The following XYLT1 variants were observed in gnomAD, a reference collection of about 807,000 sequenced individuals.
XYLT1 encodes xylosyltransferase 1, also known as beta-D-xylosyltransferase 1.
In XYLT1, 36 loss-of-function variants were observed where a neutral mutation model predicts 91.3. The observed-to-expected ratio is 0.39, with a 90% CI of 0.30 to 0.52. The LOEUF (loss-of-function observed/expected upper bound fraction) is 0.52, where lower values mean the gene tolerates loss of function less well. Ranked by LOEUF, XYLT1 falls within the 20% of genes least tolerant of loss-of-function variation. The pLI is 0.68. For synonymous variants in XYLT1, 588 were observed against 532.0 expected, an observed-to-expected ratio of 1.11 and a Z score of -1.45; for missense variants, 1,242 against 1,284.5, an observed-to-expected ratio of 0.97 and a Z score of 0.51.
intron 2 of XYLT1, among the ~76,000 whole-genome samples, chr16:17,285,395 CTCTCAGGGGA>C (rs1213507675): frequency 6.6e-6 from 1 of 152,206 alleles, no homozygotes; most frequent in Non-Finnish European, 1.5e-5. Context: ...TCTCGATCTG[CTCTCAGGGGA>C]TCTCCAGCAT....
At chr16:17,292,774 A>T (rs2034250611) in intron 2 of XYLT1, among the ~76,000 whole-genome samples, 1 of 152,224 alleles carries the variant, frequency 6.6e-6, no homozygotes, top group Admixed American at 6.5e-5. Context: ...ATGGTCTTTC[A>T]GAAACACTTT....
At chr16:17,358,183 G>C (rs1384083375) in intron 1 of XYLT1, 133 bp from the exon 2 acceptor site, 3 of 879,036 alleles carry the variant, frequency 3.4e-6, no homozygotes, top group Non-Finnish European at 1.7e-6. Flanking sequence ...AGGCTGGAGA[G>C]CAGTGGCATG....
chr16:17,224,221 C>T (rs2033023219), intron 3 of XYLT1, among the ~76,000 whole-genome samples: 1 of 152,212 alleles, frequency 6.6e-6, no homozygotes, highest in Non-Finnish European at 1.5e-5. Flanking sequence ...CACATTCTAT[C>T]AGCGACAAGA....
intron 1 of XYLT1, among the ~76,000 whole-genome samples, chr16:17,374,184 G>A (rs1481183464): frequency 6.6e-6 from 1 of 152,208 alleles, no homozygotes; most frequent in African/African-American, 2.4e-5. Flanking sequence ...TCTGTGGTGG[G>A]AAGGCACTCA....
chr16:17,284,268 ATTAC>A (rs1429447412), intron 2 of XYLT1, among the ~76,000 whole-genome samples: 3 of 152,150 alleles, frequency 2.0e-5, no homozygotes, highest in African/African-American at 7.2e-5. Flanking sequence ...TTTTTTTATT[ATTAC>A]TTCTATTTCT....
At chr16:17,336,027 T>C (rs1468534714) in intron 2 of XYLT1, among the ~76,000 whole-genome samples, 3 of 152,168 alleles carry the variant, frequency 2.0e-5, no homozygotes, top group Admixed American at 6.5e-5. Flanking sequence ...GACCTACGCT[T>C]TGCCTGGCTG....
At chr16:17,256,824 G>A (rs1003184407) in intron 3 of XYLT1, among the ~76,000 whole-genome samples, 21 of 152,182 alleles carry the variant, frequency 1.4e-4, no homozygotes, top group African/African-American at 4.8e-4. Flanking sequence ...CATGGCTCCC[G>A]GATGCACCGA....
intron 3 of XYLT1, among the ~76,000 whole-genome samples, chr16:17,241,170 G>C (rs944913379): frequency 3.3e-5 from 5 of 152,242 alleles, no homozygotes; most frequent in African/African-American, 1.2e-4. Flanking sequence ...AGCCACTGGG[G>C]TCCTCCCCAT....
rs915215793 is a variant in XYLT1 at position 17,107,547 on chromosome 16, T to C, written c.*1148A>G. 2 of 152,646 alleles carry C rather than the reference T, an allele frequency of 1.3e-5. No homozygotes were observed. Among genetic ancestry groups the C allele is most frequent in the Non-Finnish European group, 2.9e-5 (2 of 68,032 alleles). The allele number at this position is 152,646 out of a possible 1,614,324, so 9.5% of individuals were successfully genotyped here. On this transcript the variant is annotated 3_prime_UTR_variant, in exon 12 of 12. Coordinates refer to ENST00000261381, the MANE Select transcript of XYLT1 (RefSeq NM_022166.4). ...GAGCCTGTGGCCGAAGGGCATGAAA[T>C]TAAAAACCAAATCTGAAATGCTATT...
At chr16:17,226,261 A>C (rs1255340672) in intron 3 of XYLT1, among the ~76,000 whole-genome samples, 1 of 152,232 alleles carries the variant, frequency 6.6e-6, no homozygotes, top group African/African-American at 2.4e-5. Flanking sequence ...GAAACCAATG[A>C]AACACCAGCA....
chr16:17,137,931 AG>A (rs2030805929), intron 8 of XYLT1, among the ~76,000 whole-genome samples: 3 of 152,212 alleles, frequency 2.0e-5, no homozygotes, highest in Admixed American at 1.3e-4. Context: ...CAATGGCAAG[AG>A]TTCTGAGGTT....
chr16:17,238,551 C>A (rs574797455), intron 3 of XYLT1, among the ~76,000 whole-genome samples: 9 of 152,182 alleles, frequency 5.9e-5, no homozygotes, highest in Non-Finnish European at 1.3e-4. Context: ...GGACCCAGGA[C>A]CCCTGTCTTA....
chr16:17,121,686 T>C (rs8045593), intron 10 of XYLT1, among the ~76,000 whole-genome samples: 99,828 of 151,894 alleles, frequency 0.66, 33,587 homozygotes, highest in Non-Finnish European at 0.72. Flanking sequence ...CACCCATCAC[T>C]TGAACAGTAT....
At chr16:17,290,264 C>G (rs1259093797) in intron 2 of XYLT1, among the ~76,000 whole-genome samples, 1 of 152,250 alleles carries the variant, frequency 6.6e-6, no homozygotes, top group East Asian at 1.9e-4. Flanking sequence ...TAATTTTTAA[C>G]AACTTTCTAA....
chr16:17,277,111 A>G (rs902723945), intron 2 of XYLT1, among the ~76,000 whole-genome samples: 2 of 152,202 alleles, frequency 1.3e-5, no homozygotes, highest in Non-Finnish European at 2.9e-5. Flanking sequence ...TTATATTTTA[A>G]TAGCATGAGA....
intron 1 of XYLT1, among the ~76,000 whole-genome samples, chr16:17,427,232 G>T (rs897199808): frequency 6.6e-6 from 1 of 152,260 alleles, no homozygotes; most frequent in Non-Finnish European, 1.5e-5. Flanking sequence ...AGTCTAAAAT[G>T]TTGACGCTTG....
At chr16:17,203,462 C>T (rs1195938905) in intron 3 of XYLT1, among the ~76,000 whole-genome samples, 3 of 151,946 alleles carry the variant, frequency 2.0e-5, no homozygotes, top group Non-Finnish European at 4.4e-5. Flanking sequence ...CCAAATCCAA[C>T]CACTAATCTG....
At chr16:17,235,183 T>C (rs1157312840) in intron 3 of XYLT1, among the ~76,000 whole-genome samples, 1 of 152,182 alleles carries the variant, frequency 6.6e-6, no homozygotes, top group Non-Finnish European at 1.5e-5. Context: ...AATGTAGTTC[T>C]AGATTTCAGA....
intron 2 of XYLT1, among the ~76,000 whole-genome samples, chr16:17,293,491 C>CTTTTTT (rs548581536): frequency 5.9e-5 from 7 of 119,100 alleles, no homozygotes; most frequent in Non-Finnish European, 1.3e-4. Flanking sequence ...TTTCTCCCTC[C>CTTTTTT]TTTTTTTTTT....
Sources: allele counts gnomAD v4.1 joint callset (sites outside exome capture counted in the v4.1 genomes callset), GRCh38; gene constraint gnomAD v4.1.1; transcripts MANE v1.5; gene names NCBI Gene and HGNC (gene_info 2026-07-23, HGNC 2026-07-21).